Variants in CENPI observed in about 807,000 individuals in gnomAD.
The protein encoded by CENPI is FSH primary response 1.
Under a neutral mutation model 60.4 loss-of-function variants are expected in CENPI, and 4 were observed. The observed-to-expected ratio is 0.07, with a 90% CI of 0.03 to 0.15. The LOEUF is 0.15. Ranked by LOEUF, CENPI falls within the 10% of genes least tolerant of loss-of-function variation. The pLI is 1.00. For missense variants in CENPI, 444 were observed against 534.5 expected, an observed-to-expected ratio of 0.83 and a Z score of 1.67; for synonymous variants, 157 against 189.4, an observed-to-expected ratio of 0.83 and a Z score of 1.40.
At position 101,103,226 on chromosome X, in the gene CENPI, C is replaced by G. The variant is rs1175362421; in HGVS notation, c.364+815C>G. On this transcript the variant is annotated intron_variant, in intron 4 of 21. Coordinates refer to ENST00000682095, the MANE Select transcript of CENPI (RefSeq NM_001386188.2). The stretch of plus-strand genomic sequence containing the variant: ...GGGCAGACTGGTCTTGAACTCCTGA[C>G]CTCGTGATCCACCCGCCTCGGCCTC... 2.7e-5 allele frequency among the ~76,000 whole-genome samples: 3 copies of G among 109,459 alleles called. No individual in the cohort carries two copies. In the East Asian group the frequency reaches 8.6e-4, roughly 32 times the overall value.
intron 4 of CENPI, among the ~76,000 whole-genome samples, chrX:101,108,453 C>G (rs2089510856): frequency 9.1e-6 from 1 of 109,876 alleles, no homozygotes; most frequent in African/African-American, 3.3e-5. Context: ...GCTTCAGCAT[C>G]CCAAAGTGCT....
chrX:101,156,604 G>A (rs1027258246), intron 20 of CENPI, among the ~76,000 whole-genome samples: 2 of 110,109 alleles, frequency 1.8e-5, no homozygotes, highest in Non-Finnish European at 3.8e-5. Flanking sequence ...CCCATCACCC[G>A]AGCAGTATAC....
chrX:101,137,557 G>C (rs751915621), intron 15 of CENPI, among the ~76,000 whole-genome samples: 2 of 111,807 alleles, frequency 1.8e-5, no homozygotes, highest in African/African-American at 6.5e-5. Flanking sequence ...CAGTGGGATT[G>C]GGAAGGAAAT....
At chrX:101,115,237 T>C (rs916249571) in intron 6 of CENPI, among the ~76,000 whole-genome samples, 1 of 110,131 alleles carries the variant, frequency 9.1e-6, no homozygotes, top group Non-Finnish European at 1.9e-5. Context: ...GTGTTAGTAT[T>C]ACAGGCTTGA....
intron 10 of CENPI, 63 bp from the exon 11 acceptor site, chrX:101,127,435 T>G: frequency 9.8e-7 from 1 of 1,017,341 alleles, no homozygotes; most frequent in Non-Finnish European, 1.3e-6. Flanking sequence ...ACCAGTTGCT[T>G]TTATATTTGT....
chrX:101,119,195 A>T (rs2089652169), intron 6 of CENPI, among the ~76,000 whole-genome samples: 1 of 111,879 alleles, frequency 8.9e-6, no homozygotes, highest in South Asian at 3.7e-4. Context: ...AATAAAATAA[A>T]AATTCCATAT....
chrX:101,121,455 T>G (rs2089677503), intron 8 of CENPI, among the ~76,000 whole-genome samples: 1 of 109,603 alleles, frequency 9.1e-6, no homozygotes, highest in Non-Finnish European at 1.9e-5. Flanking sequence ...CATGCCTGGC[T>G]AATTTTTTGT....
At chrX:101,150,257 C>T (rs191986610) in intron 20 of CENPI, among the ~76,000 whole-genome samples, 3 of 106,128 alleles carry the variant, frequency 2.8e-5, no homozygotes, top group Non-Finnish European at 5.8e-5. Context: ...AGGTCTTTTT[C>T]CCCCTGCACT....
Position 101,102,516 on chromosome X carries a change from C to CACAT in CENPI, c.364+106_364+107insCATA, listed in dbSNP as rs778560144. ...ATATATACACACACACACACACACA[C>CACAT]ATATATATATATACTTTTTTTTATA... On this transcript the variant is annotated intron_variant, in intron 4 of 21. Transcript: ENST00000682095. The CACAT allele has an allele frequency of 1.5e-3, 325 of 210,291 alleles. 1 individual carries two copies. The highest frequency in any genetic ancestry group is 6.6e-3 in the African/African-American group (190 of 29,000). 17.3% of individuals were successfully genotyped at this position (210,291 alleles called of 1,213,427 possible). A position where few individuals can be genotyped will look rare whatever the true frequency, so the allele number is the denominator to read the frequency against.
chrX:101,129,263 A>C (rs764185842), intron 12 of CENPI, among the ~76,000 whole-genome samples: 2 of 111,605 alleles, frequency 1.8e-5, no homozygotes, highest in Non-Finnish European at 3.8e-5. Context: ...CCCCTCTGCT[A>C]TCAGCATATA....
At chrX:101,172,220 G>A in the CENPI span, among the ~76,000 whole-genome samples, 7 of 111,796 alleles carry the variant, frequency 6.3e-5, no homozygotes, top group Non-Finnish European at 1.3e-4. Context: ...CATAAATATT[G>A]CAGCCAGTTT....
At position 101,147,780 on chromosome X, in the gene CENPI, C is replaced by T; in HGVS notation, c.1844C>T (p.Thr615Ile). The change falls in exon 19 of 22, where the codon ACT becomes ATT. Residue 615 changes from threonine (T) to isoleucine (I), a missense_variant. Thr to Ile is a moderately conservative substitution (Grantham distance 89). Coordinates refer to ENST00000682095, the MANE Select transcript of CENPI (RefSeq NM_001386188.2). ...FIMHRYRKNL[T>I]AAKKNELVQK... ...TCTGTTAGATATCGTAAAAATTTGA[C>T]TGCCGCAAAGAAAAATGAGTTGGTA... 8.3e-7 allele frequency: 1 copy of T among 1,205,047 alleles called. No individual in the cohort carries two copies. The highest frequency in any genetic ancestry group is 1.1e-6 in the Non-Finnish European group (1 of 891,278).
intron 21 of CENPI, among the ~76,000 whole-genome samples, chrX:101,162,469 A>AT (rs1204721257): frequency 1.2e-3 from 98 of 84,054 alleles, no homozygotes; most frequent in African/African-American, 2.2e-3. Flanking sequence ...AAAAAAAAAA[A>AT]AAAAATATAT....
chrX:101,177,246 A>G, the CENPI span, among the ~76,000 whole-genome samples: 6 of 111,344 alleles, frequency 5.4e-5, no homozygotes, highest in Admixed American at 4.7e-4. Context: ...CTCCCAAGCT[A>G]TCCACACTGG....
chrX:101,144,961 TA>T (rs2089950382), intron 16 of CENPI, 102 bp from the exon 17 acceptor site: 3 of 700,204 alleles, frequency 4.3e-6, no homozygotes, highest in Middle Eastern at 3.7e-4. Context: ...TGATAGTTTT[TA>T]AAATCCTCAC....
intron 20 of CENPI, among the ~76,000 whole-genome samples, chrX:101,151,910 G>A (rs1006699562): frequency 4.7e-5 from 5 of 107,494 alleles, no homozygotes; most frequent in African/African-American, 1.7e-4. Flanking sequence ...TTTATTCATA[G>A]AGCTGTGCAT....
intron 4 of CENPI, among the ~76,000 whole-genome samples, chrX:101,107,608 C>T (rs1244436440): frequency 1.8e-5 from 2 of 110,138 alleles, no homozygotes; most frequent in South Asian, 3.9e-4. Context: ...CTGCCTGCTT[C>T]GGCCTTCCAA....
At chrX:101,140,901 C>T (rs1456611378) in intron 16 of CENPI, 141 bp downstream of exon 16, 1 of 426,912 alleles carries the variant, frequency 2.3e-6, no homozygotes, top group Non-Finnish European at 4.1e-6. Context: ...ACTTTTCACT[C>T]TTCTTCCCCC....
chrX:101,180,778 T>C, the CENPI span, among the ~76,000 whole-genome samples: 1 of 111,534 alleles, frequency 9.0e-6, no homozygotes, highest in African/African-American at 3.3e-5. Flanking sequence ...TTTTGTTTTT[T>C]GTTTTAGAGA....
Sources: allele counts gnomAD v4.1 joint callset (sites outside exome capture counted in the v4.1 genomes callset), GRCh38; gene constraint gnomAD v4.1.1; transcripts MANE v1.5; gene names NCBI Gene and HGNC (gene_info 2026-07-23, HGNC 2026-07-21).